Variants in NPAS3 observed in about 807,000 individuals in gnomAD.
NPAS3 encodes neuronal PAS domain protein 3.
A neutral mutation model predicts 73.1 loss-of-function variants in NPAS3; 14 were observed. That is an observed-to-expected ratio of 0.19 (90% CI 0.13 to 0.30). The LOEUF is 0.30. NPAS3 is among the 10% of genes least tolerant of loss of function. The pLI is 1.00. For synonymous variants in NPAS3, 620 were observed against 541.5 expected, an observed-to-expected ratio of 1.14 and a Z score of -2.01; for missense variants, 1,096 against 1,250.0, an observed-to-expected ratio of 0.88 and a Z score of 1.86.
At chr14:33,233,759 G>A (rs183233543) in intron 3 of NPAS3, among the ~76,000 whole-genome samples, 2 of 152,100 alleles carry the variant, frequency 1.3e-5, no homozygotes, top group Admixed American at 1.3e-4. Flanking sequence ...TTACCTTAAG[G>A]GAACTCAGTA....
intron 7 of NPAS3, 63 bp downstream of exon 7, chr14:33,735,395 A>T: frequency 8.7e-7 from 1 of 1,151,682 alleles, no homozygotes; most frequent in Non-Finnish European, 1.3e-6. Flanking sequence ...ATTTGCATTG[A>T]ATTTTCCAGC....
At chr14:33,257,873 CAGTAATCATAA>C (rs563263811) in intron 3 of NPAS3, among the ~76,000 whole-genome samples, 10 of 152,048 alleles carry the variant, frequency 6.6e-5, no homozygotes, top group African/African-American at 2.4e-4. Flanking sequence ...TATTTTATGC[CAGTAATCATAA>C]AGTAATCATT....
intron 4 of NPAS3, among the ~76,000 whole-genome samples, chr14:33,383,383 TAA>T (rs1173282031): frequency 6.6e-6 from 1 of 152,172 alleles, no homozygotes; most frequent in Admixed American, 6.6e-5. Context: ...GCAGCATTAT[TAA>T]AAAGTCAGTG....
intron 2 of NPAS3, among the ~76,000 whole-genome samples, chr14:33,122,418 G>A (rs1252501795): frequency 6.6e-6 from 1 of 152,132 alleles, no homozygotes; most frequent in East Asian, 1.9e-4. Context: ...GGCTGGCAAT[G>A]TCAGGGTTCA....
intron 5 of NPAS3, among the ~76,000 whole-genome samples, chr14:33,612,060 G>A (rs1178882639): frequency 6.6e-6 from 1 of 152,176 alleles, no homozygotes; most frequent in African/African-American, 2.4e-5. Flanking sequence ...ATCTGCCCCA[G>A]GTGACAGGTG....
chr14:33,709,239 G>T, intron 6 of NPAS3, among the ~76,000 whole-genome samples: 1 of 152,204 alleles, frequency 6.6e-6, no homozygotes, highest in East Asian at 1.9e-4. Flanking sequence ...GCGTAAGTCA[G>T]TCATTGTCCC....
intron 5 of NPAS3, among the ~76,000 whole-genome samples, chr14:33,652,550 T>G (rs754558311): frequency 6.6e-6 from 1 of 152,202 alleles, no homozygotes; most frequent in Non-Finnish European, 1.5e-5. Context: ...AAGTCATATG[T>G]CACAGGGGAC....
rs562917992 is a variant in NPAS3, at chr14:33,772,310, T to C, written c.853-2027T>C. ...GAAAATTGCGAGTCGAGACTCTTAC[T>C]GGACCCAACTTTGACCCCCTTCAAT... On this transcript the variant is annotated intron_variant, in intron 7 of 11. Transcript: ENST00000356141. Among the ~76,000 whole-genome samples the C allele has an allele frequency of 3.3e-5, 5 of 152,260 alleles. No individual in the cohort carries two copies. The South Asian group carries it at 1.0e-3, about 32-fold the overall frequency.
At chr14:33,515,547 C>A (rs1303611780) in intron 4 of NPAS3, among the ~76,000 whole-genome samples, 1 of 152,050 alleles carries the variant, frequency 6.6e-6, no homozygotes, top group African/African-American at 2.4e-5. Flanking sequence ...ATTGTCTGTG[C>A]CGCTTTCACT....
intron 1 of NPAS3, among the ~76,000 whole-genome samples, chr14:33,055,605 A>G (rs1024555236): frequency 6.6e-6 from 1 of 152,212 alleles, no homozygotes; most frequent in Admixed American, 6.5e-5. Context: ...TGGGAATTGA[A>G]GAGTGAGTTA....
intron 3 of NPAS3, among the ~76,000 whole-genome samples, chr14:33,305,113 A>G (rs2042704324): frequency 1.3e-5 from 2 of 152,110 alleles, no homozygotes; most frequent in South Asian, 4.1e-4. Flanking sequence ...AAGGAGGTGT[A>G]TGTTTTTTAA....
intron 3 of NPAS3, among the ~76,000 whole-genome samples, chr14:33,244,152 A>T (rs1192840308): frequency 6.6e-6 from 1 of 151,646 alleles, no homozygotes; most frequent in African/African-American, 2.4e-5. Flanking sequence ...AAAAAAAAAA[A>T]CTATGCACCA....
At chr14:33,100,347 A>G (rs2042546471) in intron 2 of NPAS3, among the ~76,000 whole-genome samples, 1 of 152,178 alleles carries the variant, frequency 6.6e-6, no homozygotes, top group African/African-American at 2.4e-5. Flanking sequence ...TGTCATGATG[A>G]GTTTATTGCT....
At chr14:33,149,624 TTAG>T (rs2044372649) in intron 2 of NPAS3, among the ~76,000 whole-genome samples, 1 of 152,182 alleles carries the variant, frequency 6.6e-6, no homozygotes, top group Non-Finnish European at 1.5e-5. Context: ...AGTGCTTCCT[TTAG>T]TAGTGTCCTA....
intron 1 of NPAS3, among the ~76,000 whole-genome samples, chr14:32,979,963 A>T (rs910340808): frequency 6.6e-6 from 1 of 152,172 alleles, no homozygotes; most frequent in Non-Finnish European, 1.5e-5. Context: ...CTTGTCAAAA[A>T]CTTTTGTTGC....
chr14:33,379,827 AAATT>A (rs1270130259), intron 4 of NPAS3, among the ~76,000 whole-genome samples: 1 of 152,212 alleles, frequency 6.6e-6, no homozygotes, highest in Non-Finnish European at 1.5e-5. Flanking sequence ...AATCAAATCA[AAATT>A]ATTTTGAGAA....
intron 2 of NPAS3, among the ~76,000 whole-genome samples, chr14:33,091,565 G>C (rs1310825344): frequency 6.6e-6 from 1 of 152,144 alleles, no homozygotes; most frequent in East Asian, 1.9e-4. Flanking sequence ...AGAGGTATAA[G>C]GAGGAGCTGG....
intron 9 of NPAS3, among the ~76,000 whole-genome samples, chr14:33,788,623 G>T (rs2063251324): frequency 6.6e-6 from 1 of 152,152 alleles, no homozygotes; most frequent in African/African-American, 2.4e-5. Flanking sequence ...CAGCCCAACA[G>T]GAAGAGACCA....
chr14:33,066,174 A>G (rs973940810), intron 2 of NPAS3, among the ~76,000 whole-genome samples: 9 of 152,162 alleles, frequency 5.9e-5, no homozygotes, highest in East Asian at 1.9e-4. Context: ...TCGGCTTCTC[A>G]TCCCCTGGAG....
Sources: allele counts gnomAD v4.1 joint callset (sites outside exome capture counted in the v4.1 genomes callset), GRCh38; gene constraint gnomAD v4.1.1; transcripts MANE v1.5; gene names NCBI Gene and HGNC (gene_info 2026-07-23, HGNC 2026-07-21).